LYST: variants seen among roughly 807,000 people sequenced by gnomAD.
The protein encoded by LYST is lysosomal-trafficking regulator.
In LYST, 192 loss-of-function variants were observed where a neutral mutation model predicts 413.6. The ratio of observed to expected loss-of-function variants is 0.46; its 90% confidence interval spans 0.41 to 0.52. The LOEUF (loss-of-function observed/expected upper bound fraction) is 0.52, where lower values mean the gene tolerates loss of function less well. Among genes scored for constraint, LYST ranks in the 20% least tolerant of loss-of-function variants. LYST has a pLI of 0.00. For synonymous variants in LYST, 1,525 were observed against 1,567.3 expected, an observed-to-expected ratio of 0.97 and a Z score of 0.64; for missense variants, 3,815 against 4,499.9, an observed-to-expected ratio of 0.85 and a Z score of 4.35.
chr1:235,809,573 A>G lies in LYST; in HGVS notation c.1245T>C (p.Cys415=). ...LEGVLQILIC[C]LQSAASNPFY... is the part of the protein sequence containing the mutation. ...AGGGATTTGAAGCTGCACTTTGAAG[A>G]CAACAGATCAGAATCTGAAGAACTC... The change falls in exon 5 of 53, where the codon TGT becomes TGC. Residue 415 remains cysteine (C), a synonymous_variant. Coordinates refer to ENST00000389793, the MANE Select transcript of LYST (RefSeq NM_000081.4). This position sits in a 1 kb window ranked among gnomAD's most constrained non-coding sequence, Gnocchi z 4.0. 6.2e-7 allele frequency: 1 copy of G among 1,614,102 alleles called. No homozygotes were observed. Among genetic ancestry groups the G allele is most frequent in the Middle Eastern group, 1.7e-4 (1 of 6,060 alleles).
In LYST at chr1:235,741,431, T is replaced by C. The variant is rs1430083671; in HGVS notation, c.8349A>G (p.Pro2783=). The C allele has an allele frequency of 6.2e-7, 1 of 1,613,264 alleles. No individual in the cohort carries two copies. Among genetic ancestry groups the C allele is most frequent in the African/African-American group, 1.3e-5 (1 of 74,924 alleles). The change falls in exon 31 of 53, where the codon CCA becomes CCG. Residue 2783 remains proline (P), a synonymous_variant. Coordinates refer to ENST00000389793, the MANE Select transcript of LYST (RefSeq NM_000081.4). ...AAGCTGAGATACTTACTTGTAGGGATGGGCTGAGACAGTCTCGTAGTATTT... is the reference window on the plus strand; with the variant it reads ...AAGCTGAGATACTTACTTGTAGGGACGGGCTGAGACAGTCTCGTAGTATTT... ...HQEILRDCLS[P]SLQHGAKLVL...
At chr1:235,776,613 G>A (rs1205680090) in intron 17 of LYST, among the ~76,000 whole-genome samples, 2 of 151,814 alleles carry the variant, frequency 1.3e-5, no homozygotes, top group South Asian at 2.1e-4. Context: ...TGACTCATTC[G>A]AAAATGGTAC....
chr1:235,737,918 T>TGGTGG, intron 31 of LYST: 1 of 1,164,682 alleles, frequency 8.6e-7, no homozygotes, highest in Admixed American at 4.4e-5. Flanking sequence ...TGCCGACGAG[T>TGGTGG]CTGGATCTCA....
intron 48 of LYST, among the ~76,000 whole-genome samples, chr1:235,682,519 G>A (rs1231428418): frequency 6.6e-6 from 1 of 152,182 alleles, no homozygotes; most frequent in East Asian, 1.9e-4. Context: ...CCAGGTGGGA[G>A]ATAAGAAAGG....
Position 235,866,827 on chromosome 1 carries a change from C to T in LYST, c.-98+16G>A, listed in dbSNP as rs904180740. ...ACCTTCTGCCGGCAGCGTCGGCGCC[C>T]GGCGGCCGCCTTTACCTGGTTTGTG... On this transcript the variant is annotated intron_variant, in intron 1 of 52. Transcript: ENST00000389793. 1 of 152,758 alleles carries T rather than the reference C, an allele frequency of 6.5e-6. No homozygotes were observed. Among genetic ancestry groups the T allele is most frequent in the Admixed American group, 6.5e-5 (1 of 15,268 alleles). The allele number at this position is 152,758 out of a possible 1,614,324, so 9.5% of individuals were successfully genotyped here. A position where few individuals can be genotyped will look rare whatever the true frequency, so the allele number is the denominator to read the frequency against.
At chr1:235,858,929 A>G (rs977125282) in intron 1 of LYST, among the ~76,000 whole-genome samples, 9 of 152,166 alleles carry the variant, frequency 5.9e-5, no homozygotes, top group African/African-American at 2.2e-4. Context: ...GCCTCTGTAC[A>G]TTTGTGATTT....
chr1:235,781,452 G>T (rs1156723534), intron 15 of LYST, among the ~76,000 whole-genome samples: 1 of 151,822 alleles, frequency 6.6e-6, no homozygotes, highest in African/African-American at 2.4e-5. Context: ...AATAAACACT[G>T]TCTGAATGCT....
At chr1:235,667,399 AC>A (rs1411974130) in intron 50 of LYST, among the ~76,000 whole-genome samples, 1 of 152,248 alleles carries the variant, frequency 6.6e-6, no homozygotes, top group Non-Finnish European at 1.5e-5. Flanking sequence ...TTACATTTTC[AC>A]AGTTTAATAC....
chr1:235,721,731 C>A (rs781189917), intron 39 of LYST, among the ~76,000 whole-genome samples: 39 of 152,048 alleles, frequency 2.6e-4, no homozygotes, highest in Admixed American at 1.3e-4. Flanking sequence ...CAATTGTTAG[C>A]GCTAAGGTCC....
At chr1:235,787,142 T>C (rs1670509203) in intron 14 of LYST, 58 bp downstream of exon 14, 1 of 1,293,672 alleles carries the variant, frequency 7.7e-7, no homozygotes. Context: ...TATAATTGAC[T>C]AATGAAACAT....
chr1:235,712,638 C>T, intron 42 of LYST: 2 of 985,154 alleles, frequency 2.0e-6, no homozygotes, highest in Non-Finnish European at 2.4e-6. Flanking sequence ...ATGATTCCTT[C>T]ACTTTGAATT....
At chr1:235,703,606 T>C (rs1328192263) in intron 44 of LYST, among the ~76,000 whole-genome samples, 2 of 152,244 alleles carry the variant, frequency 1.3e-5, no homozygotes, top group African/African-American at 4.8e-5. Flanking sequence ...TAGCTTTTCG[T>C]ATATTTAATC....
chr1:235,746,032 AG>A (rs1287096607), intron 29 of LYST, among the ~76,000 whole-genome samples: 6 of 152,150 alleles, frequency 3.9e-5, no homozygotes, highest in Non-Finnish European at 8.8e-5. Flanking sequence ...AACTGGGTAA[AG>A]GGTACACAGG....
intron 43 of LYST, among the ~76,000 whole-genome samples, chr1:235,710,796 G>A (rs527749508): frequency 1.1e-4 from 16 of 152,302 alleles, no homozygotes; most frequent in African/African-American, 3.6e-4. Flanking sequence ...TGCAGCCTCT[G>A]TTCGTCTCCC....
At chr1:235,748,704 G>A (rs1486789396) in intron 28 of LYST, among the ~76,000 whole-genome samples, 3 of 152,176 alleles carry the variant, frequency 2.0e-5, no homozygotes, top group Non-Finnish European at 4.4e-5. Context: ...AAACCTGAAT[G>A]AGGTTGTAAG....
intron 2 of LYST, among the ~76,000 whole-genome samples, chr1:235,833,364 T>C (rs1045120699): frequency 6.6e-6 from 1 of 152,146 alleles, no homozygotes. Flanking sequence ...TATATCCTTT[T>C]GTAACTTTGC....
chr1:235,805,700 GTA>G, intron 6 of LYST, 41 bp downstream of exon 6: 1 of 1,098,434 alleles, frequency 9.1e-7, no homozygotes, highest in Non-Finnish European at 1.4e-6. Context: ...GTATATATAT[GTA>G]TATATATTAC....
chr1:235,753,046 C>A lies in LYST; in HGVS notation c.7458G>T (p.Lys2486Asn). ...TTAAATAATAATTTTAAACTTACTTCTTTTCTAATCCATTCAGGGCTGCTA... is the reference window on the plus strand; with the variant it reads ...TTAAATAATAATTTTAAACTTACTTATTTTCTAATCCATTCAGGGCTGCTA... ...NTVAALNGLE[K>N]NIPMSEYKLL... The change falls in exon 26 of 53, where the codon AAG becomes AAT. Residue 2486 changes from lysine to asparagine, a missense_variant and splice_region_variant. Lys to Asn is a moderately conservative substitution (Grantham distance 94, BLOSUM62 0). Around this residue, in one of 4 missense-constraint regions of LYST, gnomAD observed 771 missense variants for 837.1 expected, o/e 0.92. Coordinates refer to ENST00000389793, the MANE Select transcript of LYST (RefSeq NM_000081.4). 6.7e-7 allele frequency: 1 copy of A among 1,481,482 alleles called. No homozygotes were observed. Among genetic ancestry groups the A allele is most frequent in the Non-Finnish European group, 9.4e-7 (1 of 1,060,968 alleles). The allele number at this position is 1,481,482 out of a possible 1,614,324, so 91.8% of individuals were successfully genotyped here.
rs1558261064 is a variant in LYST, at chr1:235,798,576, C to CTTAAAAA, written c.4006+1743_4006+1744insTTTTTAA. ...CTTGGCGACAAGGGCAAAACCCTGTCATAAAAAAAAAAAAAAAAAAAAAAA... is the reference window on the plus strand; with the variant it reads ...CTTGGCGACAAGGGCAAAACCCTGTCTTAAAAAATAAAAAAAAAAAAAAAAAAAAAAA... On this transcript the variant is annotated intron_variant, in intron 10 of 52. Transcript: ENST00000389793. Among the ~76,000 whole-genome samples, 19 of 24,546 alleles carry CTTAAAAA rather than the reference C, an allele frequency of 7.7e-4. 2 individuals carry two copies. Among genetic ancestry groups the CTTAAAAA allele is most frequent in the African/African-American group, 2.3e-3 (17 of 7,328 alleles). The allele number at this position is 24,546 out of a possible 152,430, so 16.1% of individuals were successfully genotyped here.
Sources: allele counts gnomAD v4.1 joint callset (sites outside exome capture counted in the v4.1 genomes callset), GRCh38; gene constraint gnomAD v4.1.1; regional missense constraint gnomAD v4.1.1; non-coding constraint Gnocchi (gnomAD v3.1); transcripts MANE v1.5; gene names NCBI Gene and HGNC (gene_info 2026-07-23, HGNC 2026-07-21).